TBX1: variants seen among roughly 807,000 people sequenced by gnomAD.
TBX1 encodes T-box transcription factor 1, also known as T-box transcription factor TBX1.
A neutral mutation model predicts 40.8 loss-of-function variants in TBX1; 16 were observed. The ratio of observed to expected loss-of-function variants is 0.39; its 90% confidence interval spans 0.27 to 0.60. The LOEUF is 0.60. TBX1 is among the 20% of genes least tolerant of loss of function. The pLI is 0.51. For synonymous variants in TBX1, 403 were observed against 336.8 expected, an observed-to-expected ratio of 1.20 and a Z score of -2.15; for missense variants, 755 against 728.5, an observed-to-expected ratio of 1.04 and a Z score of -0.42.
chr22:19,782,287 C>T (rs1426025926), downstream of TBX1, among the ~76,000 whole-genome samples: 3 of 152,184 alleles, frequency 2.0e-5, no homozygotes, highest in Admixed American at 1.3e-4. Flanking sequence ...AATCCATGAA[C>T]ATGGGATGTA....
chr22:19,762,328 T>G (rs1341927663), intron 1 of TBX1, among the ~76,000 whole-genome samples: 2 of 152,238 alleles, frequency 1.3e-5, no homozygotes, highest in Non-Finnish European at 2.9e-5. Flanking sequence ...TCCTAGAGGC[T>G]GGCTCCTGGC....
chr22:19,781,185 G>A (rs533318693), downstream of TBX1, among the ~76,000 whole-genome samples: 1 of 152,224 alleles, frequency 6.6e-6, no homozygotes, highest in African/African-American at 2.4e-5. Context: ...GTGATGCTGT[G>A]CCTGCTGGCT....
At chr22:19,772,588 T>C (rs1937006343) in intron 8 of TBX1, among the ~76,000 whole-genome samples, 2 of 152,230 alleles carry the variant, frequency 1.3e-5, no homozygotes, top group Admixed American at 1.3e-4. Flanking sequence ...ATTGCTGGCA[T>C]TACAAGCGTG....
chr22:19,758,203 C>G (rs574163540), upstream of TBX1, among the ~76,000 whole-genome samples: 1 of 152,176 alleles, frequency 6.6e-6, no homozygotes, highest in Non-Finnish European at 1.5e-5. Flanking sequence ...GAGAGGTTGC[C>G]TGCCTCCCAC....
chr22:19,766,150 C>G, intron 6 of TBX1, 148 bp downstream of exon 6: 1 of 775,898 alleles, frequency 1.3e-6, no homozygotes, highest in Non-Finnish European at 1.6e-6. Flanking sequence ...CAAGCGCGCA[C>G]TCGCCCGCCC....
At chr22:19,774,186 G>A (rs1937031514) in intron 8 of TBX1, among the ~76,000 whole-genome samples, 1 of 152,242 alleles carries the variant, frequency 6.6e-6, no homozygotes, top group African/African-American at 2.4e-5. Context: ...GTGGGGAACA[G>A]TGTCATGGGT....
At position 19,766,503 on chromosome 22, in the gene TBX1, G is replaced by C. The variant is rs1936850955; in HGVS notation, c.1151G>C (p.Gly384Ala). 7.6e-7 allele frequency: 1 copy of C among 1,311,760 alleles called. No homozygotes were observed. The highest frequency in any genetic ancestry group is 9.7e-7 in the Non-Finnish European group (1 of 1,033,650). 81.3% of individuals were successfully genotyped at this position (1,311,760 alleles called of 1,614,324 possible). A position where few individuals can be genotyped will look rare whatever the true frequency, so the allele number is the denominator to read the frequency against. The change falls in exon 7 of 7, where the codon GGG becomes GCG. Residue 384 changes from glycine (G) to alanine (A), a missense_variant. Coordinates refer to ENST00000649276, the MANE Select transcript of TBX1 (RefSeq NM_001379200.1). ...LARVLSPSLPGAGGAGGLVPL... is the reference protein window; with the variant it reads ...LARVLSPSLPAAGGAGGLVPL... Reference sequence around the variant, plus strand: ...CGGGTGCTAAGCCCCTCGCTGCCCGGGGCCGGCGGCGCCGGCGGCTTAGTC... The same window carrying C: ...CGGGTGCTAAGCCCCTCGCTGCCCGCGGCCGGCGGCGCCGGCGGCTTAGTC...
rs779779535 is a variant in TBX1, at chr22:19,766,709, C to T, written c.1357C>T (p.His453Tyr). The change falls in exon 7 of 7, where the codon CAC (histidine) becomes TAC (tyrosine). Residue 453 changes from histidine to tyrosine, a missense_variant. By Grantham distance (83) the His-to-Tyr change is moderately conservative (BLOSUM62 2). Transcript: ENST00000649276. ...CTACCCGCTGCCCGGCCTGCGTGGC[C>T]ACGGCTACCACCCGCACGCGCATCC... ...APYPLPGLRGHGYHPHAHPHH... is the reference protein window; with the variant it reads ...APYPLPGLRGYGYHPHAHPHH... 2 of 1,544,052 alleles carry T rather than the reference C, an allele frequency of 1.3e-6. No homozygotes were observed. Among genetic ancestry groups the T allele is most frequent in the Non-Finnish European group, 1.7e-6 (2 of 1,154,162 alleles).
chr22:19,765,611 AG>A (rs1936806113), intron 4 of TBX1, 146 bp from the exon 5 acceptor site: 6 of 839,032 alleles, frequency 7.2e-6, no homozygotes, highest in Non-Finnish European at 1.1e-5. Flanking sequence ...CCAGCTCCGT[AG>A]AGGAGGGGCA....
Position 19,761,089 on chromosome 22 carries a change from G to A in TBX1, c.246G>A (p.Ala82=). 1.9e-6 allele frequency: 2 copies of A among 1,077,214 alleles called. No homozygotes were observed. Among genetic ancestry groups the A allele is most frequent in the African/African-American group, 1.7e-5 (1 of 58,316 alleles). 66.7% of individuals were successfully genotyped at this position (1,077,214 alleles called of 1,614,324 possible). The stretch of plus-strand genomic sequence containing the variant: ...CGCCGCCGCACGCCTACCCGTTTGC[G>A]CCGGCCGCCGGGGCCGCCACCAGCG... The part of the protein sequence containing the change: ...PPPPPHAYPF[A]PAAGAATSAA... Residue 82 remains alanine (A), a synonymous_variant, in exon 1 of 7, where the codon GCG becomes GCA. Coordinates refer to ENST00000649276, the MANE Select transcript of TBX1 (RefSeq NM_001379200.1).
chr22:19,778,465 G>A (rs41298654), intron 8 of TBX1, among the ~76,000 whole-genome samples: 27,716 of 142,824 alleles, frequency 0.19, 2,694 homozygotes, highest in South Asian at 0.37. Context: ...ACGGAGTTTC[G>A]TTCTGGTTGC....
chr22:19,764,197 C>T lies in TBX1; in HGVS notation c.582C>T (p.Ala194=), dbSNP rs775502763. 1.4e-5 allele frequency: 22 copies of T among 1,612,654 alleles called. No homozygotes were observed. The highest frequency in any genetic ancestry group is 4.0e-5 in the African/African-American group (3 of 74,928). The change falls in exon 3 of 7, where the codon GCC becomes GCT. Residue 194 remains alanine, a synonymous_variant. Transcript: ENST00000649276. ...CCTCCTGGCTGGTGGCGGGGAAGGC[C>T]GACCCTGCCACGCCAGGCCGCGTGC... is the stretch of plus-strand genomic sequence containing the variant. ...HSSSWLVAGK[A]DPATPGRVHY... is the part of the protein sequence containing the mutation.
upstream of TBX1, among the ~76,000 whole-genome samples, chr22:19,758,197 G>T (rs560033067): frequency 2.6e-5 from 4 of 152,162 alleles, no homozygotes; most frequent in Admixed American, 6.5e-5. Context: ...CCCTGGGAGA[G>T]GTTGCCTGCC....
chr22:19,775,423 A>G (rs1601304555), intron 8 of TBX1, among the ~76,000 whole-genome samples: 1 of 152,332 alleles, frequency 6.6e-6, no homozygotes, highest in Admixed American at 6.5e-5. Context: ...TGTATGTTTA[A>G]CAATTTAAAA....
At chr22:19,756,808 C>T (rs1345926338), upstream of TBX1, 3 of 152,240 alleles carry the variant, frequency 2.0e-5, no homozygotes, top group African/African-American at 7.3e-5. Flanking sequence ...GTGCGGAACC[C>T]GCGTGTGCCG....
At chr22:19,769,508 G>T (rs1448805756), downstream of TBX1, among the ~76,000 whole-genome samples, 1 of 152,252 alleles carries the variant, frequency 6.6e-6, no homozygotes, top group Non-Finnish European at 1.5e-5. Context: ...AGCTTCCGCT[G>T]GCTGTGTGTC....
At chr22:19,758,831 G>A (rs41299455), upstream of TBX1, among the ~76,000 whole-genome samples, 2,747 of 152,340 alleles carry the variant, frequency 0.018, 27 homozygotes, top group Non-Finnish European at 0.028. Flanking sequence ...TCCCTCTGCT[G>A]GGGTCTCCAG....
At chr22:19,771,599 G>A (rs1450430889), downstream of TBX1, among the ~76,000 whole-genome samples, 1 of 152,162 alleles carries the variant, frequency 6.6e-6, no homozygotes, top group African/African-American at 2.4e-5. Context: ...AAGTAAGCAC[G>A]TAATCCTCTC....
chr22:19,781,762 C>T (rs1328872105), downstream of TBX1, among the ~76,000 whole-genome samples: 2 of 152,068 alleles, frequency 1.3e-5, no homozygotes, highest in Non-Finnish European at 2.9e-5. Flanking sequence ...ATTTGTAAAT[C>T]CAGTTTTCCC....
Sources: allele counts gnomAD v4.1 joint callset (sites outside exome capture counted in the v4.1 genomes callset), GRCh38; gene constraint gnomAD v4.1.1; transcripts MANE v1.5; gene names NCBI Gene and HGNC (gene_info 2026-07-23, HGNC 2026-07-21).